Variants in NRXN1 observed in about 807,000 individuals in gnomAD.
NRXN1 encodes the protein neurexin-1.
Under a neutral mutation model 150.9 loss-of-function variants are expected in NRXN1, and 39 were observed. The observed-to-expected ratio is 0.26, with a 90% CI of 0.20 to 0.34. The LOEUF is 0.34. Ranked by LOEUF, NRXN1 falls within the 10% of genes least tolerant of loss-of-function variation. The probability of loss-of-function intolerance (pLI) is 1.00; values close to 1 mark genes in which losing one functional copy is unlikely to be tolerated. For missense variants in NRXN1, 1,815 were observed against 1,949.9 expected (o/e 0.93, Z 1.30); for synonymous variants, 924 against 757.0 (o/e 1.22, Z -3.62).
intron 5 of NRXN1, among the ~76,000 whole-genome samples, chr2:50,765,184 G>GA (rs1206083541): frequency 1.3e-5 from 2 of 151,984 alleles, no homozygotes; most frequent in Non-Finnish European, 2.9e-5. Context: ...TGTGAAGGGG[G>GA]AAAACCTTAC....
At chr2:50,026,670 C>T (rs1688328917) in intron 21 of NRXN1, among the ~76,000 whole-genome samples, 1 of 151,772 alleles carries the variant, frequency 6.6e-6, no homozygotes, top group Non-Finnish European at 1.5e-5. Context: ...AAATTCTATG[C>T]CTGAAGTTTT....
intron 17 of NRXN1, among the ~76,000 whole-genome samples, chr2:50,366,282 C>A (rs2079578200): frequency 6.6e-6 from 1 of 150,968 alleles, no homozygotes; most frequent in African/African-American, 2.4e-5. Context: ...AGATCCAGGA[C>A]TAAATAATTC....
chr2:50,318,931 T>C (rs574171177), intron 17 of NRXN1, among the ~76,000 whole-genome samples: 206 of 152,240 alleles, frequency 1.4e-3, no homozygotes, highest in African/African-American at 4.6e-3. Context: ...CACACATGAA[T>C]TATATAAGTT....
Position 50,384,518 on chromosome 2 carries a change from A to ACAT in NRXN1, c.3364+80923_3364+80924insATG, listed in dbSNP as rs1553526729. On this transcript the variant is annotated intron_variant, in intron 17 of 22. Coordinates refer to ENST00000401669, the MANE Select transcript of NRXN1 (RefSeq NM_001330078.2). ...AAGACTCCATCTCAAAAAAAAAAAA[A>ACAT]AAAAAAAAAAAAAAAAATGCATCCT... 7.2e-5 allele frequency among the ~76,000 whole-genome samples: 8 copies of ACAT among 111,490 alleles called. No homozygotes were observed. The South Asian group carries it at 2.4e-3, about 33-fold the overall frequency. 73.1% of individuals were successfully genotyped at this position (111,490 alleles called of 152,430 possible). A position where few individuals can be genotyped will look rare whatever the true frequency, so the allele number is the denominator to read the frequency against.
chr2:49,965,881 T>C (rs1676883103), intron 21 of NRXN1, among the ~76,000 whole-genome samples: 1 of 152,086 alleles, frequency 6.6e-6, no homozygotes, highest in Admixed American at 6.6e-5. Context: ...TAGTCCAGAG[T>C]ATGCAGCATT....
intron 5 of NRXN1, among the ~76,000 whole-genome samples, chr2:50,815,395 A>C (rs917697548): frequency 3.3e-5 from 5 of 152,162 alleles, no homozygotes; most frequent in Non-Finnish European, 7.3e-5. Flanking sequence ...AAGATAATTA[A>C]AATCTTTACA....
intron 2 of NRXN1, among the ~76,000 whole-genome samples, chr2:50,980,058 A>G (rs1043431771): frequency 1.3e-5 from 2 of 152,142 alleles, no homozygotes; most frequent in African/African-American, 4.8e-5. Context: ...AGATTTGCAT[A>G]TCGTTCTCTT....
intron 22 of NRXN1, among the ~76,000 whole-genome samples, chr2:49,928,917 A>G (rs1669631058): frequency 6.6e-6 from 1 of 152,102 alleles, no homozygotes; most frequent in African/African-American, 2.4e-5. Context: ...ACAAGTCTTG[A>G]GAGAGGACAT....
At chr2:50,979,549 T>C (rs1575113646) in intron 2 of NRXN1, among the ~76,000 whole-genome samples, 1 of 152,264 alleles carries the variant, frequency 6.6e-6, no homozygotes, top group African/African-American at 2.4e-5. Flanking sequence ...AATTATTTCA[T>C]AGACTGACAG....
chr2:50,138,352 A>C (rs1267830879), intron 18 of NRXN1, among the ~76,000 whole-genome samples: 2 of 152,124 alleles, frequency 1.3e-5, no homozygotes, highest in African/African-American at 4.8e-5. Flanking sequence ...AGATTAAAAA[A>C]ACAATCTTCC....
At chr2:50,728,891 T>C (rs1172150278) in intron 5 of NRXN1, among the ~76,000 whole-genome samples, 4 of 152,206 alleles carry the variant, frequency 2.6e-5, no homozygotes, top group African/African-American at 9.6e-5. Flanking sequence ...TCCTTTTCTC[T>C]GACCCAAAGA....
intron 5 of NRXN1, among the ~76,000 whole-genome samples, chr2:50,870,747 T>C (rs1677656073): frequency 6.6e-6 from 1 of 151,780 alleles, no homozygotes. Flanking sequence ...TCACCACCCT[T>C]TCAATTTTTC....
chr2:50,239,422 A>G (rs2065779294), intron 17 of NRXN1, among the ~76,000 whole-genome samples: 1 of 151,244 alleles, frequency 6.6e-6, no homozygotes, highest in African/African-American at 2.4e-5. Flanking sequence ...CAGATGGTTT[A>G]AGAATTATAT....
intron 2 of NRXN1, among the ~76,000 whole-genome samples, chr2:50,997,183 A>G (rs1699426816): frequency 6.6e-6 from 1 of 151,932 alleles, no homozygotes; most frequent in African/African-American, 2.4e-5. Context: ...AAGTGTGTTT[A>G]TTATGTCTTG....
chr2:50,652,807 A>G (rs1319949418), intron 5 of NRXN1, among the ~76,000 whole-genome samples: 1 of 152,172 alleles, frequency 6.6e-6, no homozygotes, highest in Admixed American at 6.6e-5. Flanking sequence ...ACTAGCAGCA[A>G]TGTATGAAGG....
intron 5 of NRXN1, among the ~76,000 whole-genome samples, chr2:50,626,584 T>C (rs952796998): frequency 2.0e-5 from 3 of 151,922 alleles, no homozygotes; most frequent in African/African-American, 7.2e-5. Context: ...AAAAGTGAAA[T>C]TGGATCTTTA....
chr2:50,470,190 A>G (rs2089322950), intron 16 of NRXN1, among the ~76,000 whole-genome samples: 1 of 151,758 alleles, frequency 6.6e-6, no homozygotes, highest in Non-Finnish European at 1.5e-5. Context: ...AAAAAATAAA[A>G]TAAAATAAAG....
At chr2:50,069,778 G>A (rs1695923328) in intron 19 of NRXN1, among the ~76,000 whole-genome samples, 1 of 151,076 alleles carries the variant, frequency 6.6e-6, no homozygotes, top group African/African-American at 2.4e-5. Context: ...ACCACAGCAT[G>A]TCATGGTTTT....
intron 5 of NRXN1, among the ~76,000 whole-genome samples, chr2:50,766,107 G>C (rs1489512246): frequency 6.6e-6 from 1 of 151,998 alleles, no homozygotes; most frequent in Admixed American, 6.6e-5. Flanking sequence ...ATTCTTAAGA[G>C]TTAAAGAAGA....
Sources: gnomAD v4.1 joint callset for allele counts (sites outside exome capture counted in the v4.1 genomes callset) on GRCh38, gnomAD v4.1.1 for gene constraint, MANE v1.5 for transcripts, NCBI Gene and HGNC (gene_info 2026-07-23, HGNC 2026-07-21) for gene names.